The following PTPRD variants were observed in gnomAD, a reference collection of about 807,000 sequenced individuals.
PTPRD encodes the protein protein tyrosine phosphatase receptor type D.
In PTPRD, 34 loss-of-function variants were observed where a neutral mutation model predicts 214.5. That is an observed-to-expected ratio of 0.16 (90% CI 0.12 to 0.21). The LOEUF is 0.21. Among genes scored for constraint, PTPRD ranks in the 10% least tolerant of loss-of-function variants. The pLI is 1.00. For missense variants in PTPRD, 2,545 were observed against 2,398.7 expected, an observed-to-expected ratio of 1.06 and a Z score of -1.27; for synonymous variants, 1,128 against 845.7, an observed-to-expected ratio of 1.33 and a Z score of -5.79.
rs1401328504 is a variant in PTPRD at position 8,694,525 on chromosome 9, T to TA, written c.64+39254dup. Reference sequence around the variant, plus strand: ...GTTAAATGTATAAGAAAAATATGTTTAGGTAGGATCTAAACATGCTCACCA... The same window carrying TA: ...GTTAAATGTATAAGAAAAATATGTTTAAGGTAGGATCTAAACATGCTCACCA... On this transcript the variant is annotated intron_variant, in intron 12 of 45. Transcript: ENST00000381196. 2.0e-5 allele frequency among the ~76,000 whole-genome samples: 3 copies of TA among 152,320 alleles called. No homozygotes were observed. The East Asian group carries it at 5.8e-4, about 29-fold the overall frequency.
chr9:10,347,165 C>T (rs2097098888), intron 2 of PTPRD, among the ~76,000 whole-genome samples: 1 of 152,116 alleles, frequency 6.6e-6, no homozygotes, highest in African/African-American at 2.4e-5. Flanking sequence ...TTTCTCATTC[C>T]TCTCTTTACA....
At chr9:10,196,719 T>C (rs1469162983) in intron 3 of PTPRD, among the ~76,000 whole-genome samples, 1 of 152,090 alleles carries the variant, frequency 6.6e-6, no homozygotes, top group African/African-American at 2.4e-5. Context: ...AAAATATACA[T>C]AAAACAAACA....
intron 39 of PTPRD, among the ~76,000 whole-genome samples, chr9:8,350,344 G>A (rs560780571): frequency 6.6e-6 from 1 of 152,218 alleles, no homozygotes; most frequent in South Asian, 2.1e-4. Context: ...TCATTTAGTT[G>A]GGTGCCAAGA....
chr9:10,136,298 G>T lies in PTPRD; in HGVS notation c.-544-102508C>A, dbSNP rs184537183. Among the ~76,000 whole-genome samples the T allele has an allele frequency of 7.7e-4, 117 of 152,098 alleles. 1 individual carries two copies. The highest frequency in any genetic ancestry group is 2.5e-3 in the African/African-American group (104 of 41,476). ...CACAAGAATAGTGGGGGACTTCAAC[G>T]TTCCACTAACAGTGCTAGATAGATC... is the stretch of plus-strand genomic sequence containing the variant. On this transcript the variant is annotated intron_variant, in intron 3 of 45. Transcript: ENST00000381196.
intron 3 of PTPRD, among the ~76,000 whole-genome samples, chr9:10,255,190 G>C (rs555403330): frequency 6.6e-6 from 1 of 152,290 alleles, no homozygotes; most frequent in Admixed American, 6.5e-5. Flanking sequence ...GTCAAGTGTT[G>C]CTTAAGGAGG....
intron 2 of PTPRD, among the ~76,000 whole-genome samples, chr9:10,491,248 C>T (rs1362792015): frequency 1.3e-5 from 2 of 152,036 alleles, no homozygotes; most frequent in African/African-American, 4.8e-5. Context: ...AACGTATAAT[C>T]ACATATTATT....
intron 12 of PTPRD, among the ~76,000 whole-genome samples, chr9:8,685,790 A>C (rs1238897986): frequency 6.6e-6 from 1 of 152,236 alleles, no homozygotes; most frequent in African/African-American, 2.4e-5. Flanking sequence ...TTCCGACTGA[A>C]ATCTTTCCCA....
At chr9:8,550,587 C>T (rs1237770435) in intron 14 of PTPRD, among the ~76,000 whole-genome samples, 1 of 152,128 alleles carries the variant, frequency 6.6e-6, no homozygotes, top group African/African-American at 2.4e-5. Context: ...ACACATTCTC[C>T]AACATAATTT....
intron 5 of PTPRD, among the ~76,000 whole-genome samples, chr9:9,920,301 T>C (rs568373521): frequency 6.6e-6 from 1 of 152,224 alleles, no homozygotes; most frequent in Admixed American, 6.5e-5. Context: ...CTTGTTTACA[T>C]AGGCTGTGCT....
At position 10,564,851 on chromosome 9, in the gene PTPRD, T is replaced by G. The variant is rs558144581; in HGVS notation, c.-600+47547A>C. Among the ~76,000 whole-genome samples the G allele has an allele frequency of 2.6e-5, 4 of 152,320 alleles. No individual in the cohort carries two copies. The South Asian group carries it at 6.2e-4, about 24-fold the overall frequency. ...TTACACAGCATTCTTTTTCATTTTA[T>G]TTTTGGATATAGTCCTGAGAAAGTT... On this transcript the variant is annotated intron_variant, in intron 2 of 45. Transcript: ENST00000381196.
Position 8,338,936 on chromosome 9 carries a change from C to T in PTPRD, c.5365G>A (p.Val1789Ile), listed in dbSNP as rs2132220437. ...TGCCAACTTACCCTGGCATCTGTGA[C>T]CTTGAATTCCCTTAGGATATACTGT... is the stretch of plus-strand genomic sequence containing the variant. ...MPQYILREFKVTDARDGQSRT... is the reference protein window; with the variant it reads ...MPQYILREFKITDARDGQSRT... The change falls in exon 43 of 46, where the codon GTC becomes ATC. Residue 1789 changes from valine (V) to isoleucine (I), a missense_variant. Physicochemically the swap from Val to Ile is conservative, Grantham distance 29 (BLOSUM62 3). Transcript: ENST00000381196. 6.2e-7 allele frequency: 1 copy of T among 1,609,102 alleles called. No homozygotes were observed. Among genetic ancestry groups the T allele is most frequent in the Non-Finnish European group, 8.5e-7 (1 of 1,176,892 alleles).
chr9:9,679,565 C>A (rs984131792), intron 7 of PTPRD, among the ~76,000 whole-genome samples: 1 of 151,844 alleles, frequency 6.6e-6, no homozygotes, highest in Non-Finnish European at 1.5e-5. Flanking sequence ...CCGAGGAATG[C>A]TTTAAACAGC....
chr9:10,431,769 T>C (rs1263149215), intron 2 of PTPRD, among the ~76,000 whole-genome samples: 2 of 152,022 alleles, frequency 1.3e-5, no homozygotes, highest in Non-Finnish European at 2.9e-5. Context: ...TGGCAATCAT[T>C]AAAAAGTCAG....
chr9:9,929,372 A>G (rs1566428466), intron 5 of PTPRD, among the ~76,000 whole-genome samples: 1 of 152,164 alleles, frequency 6.6e-6, no homozygotes, highest in South Asian at 2.1e-4. Context: ...TTGAAACTTG[A>G]TAATGGGGAG....
chr9:8,960,430 A>T, intron 11 of PTPRD, among the ~76,000 whole-genome samples: 1 of 152,114 alleles, frequency 6.6e-6, no homozygotes, highest in East Asian at 1.9e-4. Flanking sequence ...GTACTAGGAC[A>T]TTGTGCTTTG....
intron 27 of PTPRD, among the ~76,000 whole-genome samples, chr9:8,491,549 G>A (rs192546858): frequency 9.3e-5 from 14 of 151,246 alleles, no homozygotes; most frequent in Admixed American, 4.0e-4. Context: ...TGTTGTTGAC[G>A]TTCTAACAGA....
intron 33 of PTPRD, 147 bp downstream of exon 33, chr9:8,460,264 G>T: frequency 1.0e-6 from 1 of 956,410 alleles, no homozygotes; most frequent in Non-Finnish European, 1.7e-6. Flanking sequence ...TGATCTTACT[G>T]TAATGTAAAC....
intron 3 of PTPRD, among the ~76,000 whole-genome samples, chr9:10,204,483 G>A (rs527832640): frequency 3.3e-5 from 5 of 152,050 alleles, no homozygotes; most frequent in Non-Finnish European, 5.9e-5. Context: ...TGGAATTTCC[G>A]TCATCTAGTT....
intron 39 of PTPRD, among the ~76,000 whole-genome samples, chr9:8,354,408 C>T (rs1219076823): frequency 6.6e-6 from 1 of 152,122 alleles, no homozygotes; most frequent in Non-Finnish European, 1.5e-5. Context: ...TGAAATAACA[C>T]CAATACGAAA....
Sources: allele counts gnomAD v4.1 joint callset (sites outside exome capture counted in the v4.1 genomes callset), GRCh38; gene constraint gnomAD v4.1.1; transcripts MANE v1.5; gene names NCBI Gene and HGNC (gene_info 2026-07-23, HGNC 2026-07-21).